Variants in MRTFA observed in about 807,000 individuals in gnomAD.
The protein encoded by MRTFA is myocardin related transcription factor A.
Under a neutral mutation model 83.5 loss-of-function variants are expected in MRTFA, and 20 were observed. The ratio of observed to expected loss-of-function variants is 0.24; its 90% CI spans 0.17 to 0.35. MRTFA has a LOEUF of 0.35. Ranked by LOEUF, MRTFA falls within the 10% of genes least tolerant of loss-of-function variation. The pLI is 1.00. For missense variants in MRTFA, 1,200 were observed against 1,224.7 expected, an observed-to-expected ratio of 0.98 and a Z score of 0.30; for synonymous variants, 659 against 541.2, an observed-to-expected ratio of 1.22 and a Z score of -3.02.
At chr22:40,438,606 T>G (rs1402489085) in intron 4 of MRTFA, among the ~76,000 whole-genome samples, 1 of 152,216 alleles carries the variant, frequency 6.6e-6, no homozygotes, top group Non-Finnish European at 1.5e-5. Flanking sequence ...GCAGTTTCGC[T>G]TTCCATGGTT....
In MRTFA at chr22:40,424,384, G is replaced by A; in HGVS notation, c.602-3C>T. 1.2e-6 allele frequency: 2 copies of A among 1,612,842 alleles called. No individual in the cohort carries two copies. Among genetic ancestry groups the A allele is most frequent in the Non-Finnish European group, 1.7e-6 (2 of 1,179,432 alleles). Reference sequence around the variant, plus strand: ...TTTGGGATAGTTCACCTGGCCCACTGAAACCCAAAGCTGGTGTGAGATTCC... The same window carrying A: ...TTTGGGATAGTTCACCTGGCCCACTAAAACCCAAAGCTGGTGTGAGATTCC... On this transcript the variant is annotated splice_polypyrimidine_tract_variant and splice_region_variant and intron_variant, in intron 7 of 14. Coordinates refer to ENST00000355630, the MANE Select transcript of MRTFA (RefSeq NM_020831.6).
At chr22:40,542,117 C>T (rs936433898) in intron 3 of MRTFA, among the ~76,000 whole-genome samples, 2 of 152,154 alleles carry the variant, frequency 1.3e-5, no homozygotes, top group African/African-American at 4.8e-5. Context: ...CATTTCACAT[C>T]ACTTCCTCCC....
At chr22:40,554,840 G>A (rs781502731) in intron 2 of MRTFA, among the ~76,000 whole-genome samples, 5 of 152,200 alleles carry the variant, frequency 3.3e-5, no homozygotes, top group Non-Finnish European at 5.9e-5. Flanking sequence ...CAACCTCAGC[G>A]TGGAAAAGCC....
At chr22:40,618,248 G>GTAT (rs1569355040) in intron 1 of MRTFA, among the ~76,000 whole-genome samples, 1 of 129,066 alleles carries the variant, frequency 7.7e-6, no homozygotes, top group Non-Finnish European at 1.7e-5. Context: ...CTAATTTTTT[G>GTAT]TATTTTTTTT....
At chr22:40,556,025 A>C (rs913444783) in intron 2 of MRTFA, among the ~76,000 whole-genome samples, 1 of 152,206 alleles carries the variant, frequency 6.6e-6, no homozygotes, top group Non-Finnish European at 1.5e-5. Context: ...ATAAAACTAC[A>C]TACTCATATA....
At chr22:40,597,371 C>T (rs979315070) in intron 1 of MRTFA, among the ~76,000 whole-genome samples, 2 of 152,238 alleles carry the variant, frequency 1.3e-5, no homozygotes, top group Admixed American at 1.3e-4. Context: ...AAACCACCAA[C>T]TAGTTTTTGC....
chr22:40,573,410 A>G (rs2055825444), intron 2 of MRTFA, among the ~76,000 whole-genome samples: 1 of 152,026 alleles, frequency 6.6e-6, no homozygotes, highest in Non-Finnish European at 1.5e-5. Context: ...ATATGCCACC[A>G]CACCTGGCTA....
Position 40,416,305 on chromosome 22 carries a change from T to C in MRTFA, c.2578+681A>G, listed in dbSNP as rs2052677436. On this transcript the variant is annotated intron_variant, in intron 14 of 14. Coordinates refer to ENST00000355630, the MANE Select transcript of MRTFA (RefSeq NM_020831.6). This position sits in a 1 kb window ranked among gnomAD's most constrained non-coding sequence, Gnocchi z 4.2. Reference sequence around the variant, plus strand: ...TCCTCTGCCCGCCACTGCTGCCTGCTGGGCCAAAGCCCAGCTCTCCAGTCG... The same window carrying C: ...TCCTCTGCCCGCCACTGCTGCCTGCCGGGCCAAAGCCCAGCTCTCCAGTCG... Among the ~76,000 whole-genome samples the C allele has an allele frequency of 6.6e-6, 1 of 152,246 alleles. No homozygotes were observed. The highest frequency in any genetic ancestry group is 1.5e-5 in the Non-Finnish European group (1 of 68,042).
At chr22:40,481,884 C>T (rs1364147770) in intron 3 of MRTFA, among the ~76,000 whole-genome samples, 1 of 152,006 alleles carries the variant, frequency 6.6e-6, no homozygotes, top group East Asian at 1.9e-4. Flanking sequence ...CACGGTGAAA[C>T]CCCGTCTCTA....
At chr22:40,507,319 C>G (rs996134381) in intron 3 of MRTFA, among the ~76,000 whole-genome samples, 3 of 152,012 alleles carry the variant, frequency 2.0e-5, no homozygotes, top group Non-Finnish European at 4.4e-5. Flanking sequence ...AGTGATTGCA[C>G]CACTGCACTC....
At chr22:40,454,125 T>C (rs1738948586) in intron 4 of MRTFA, among the ~76,000 whole-genome samples, 1 of 152,170 alleles carries the variant, frequency 6.6e-6, no homozygotes, top group Non-Finnish European at 1.5e-5. Flanking sequence ...TGGAAAACAG[T>C]TCCTATTCCT....
rs1186015198 is a variant in MRTFA at position 40,559,450 on chromosome 22, T to G, written c.-21-7083A>C. The stretch of plus-strand genomic sequence containing the variant: ...TTTTTTCTTTTTTCAGACAGCATGT[T>G]ACTCTGCCATCCAAGCTAGAGTGCA... On this transcript the variant is annotated intron_variant, in intron 2 of 14. Transcript: ENST00000355630. 2.6e-5 allele frequency among the ~76,000 whole-genome samples: 4 copies of G among 152,186 alleles called. No homozygotes were observed. The East Asian group carries it at 7.7e-4, about 29-fold the overall frequency.
At chr22:40,587,356 T>C in intron 2 of MRTFA, 1 of 412,736 alleles carries the variant, frequency 2.4e-6, no homozygotes, top group Non-Finnish European at 4.8e-6. Context: ...TTCGGAAGGC[T>C]TTGACAATAC....
chr22:40,609,088 C>T (rs1383417102), intron 1 of MRTFA, among the ~76,000 whole-genome samples: 1 of 151,852 alleles, frequency 6.6e-6, no homozygotes, highest in South Asian at 2.1e-4. Context: ...GTCAGGAGAT[C>T]GAGACCATCC....
rs1053188960 is a variant in MRTFA, at chr22:40,566,807, T to G, written c.-21-14440A>C. On this transcript the variant is annotated intron_variant, in intron 2 of 14. Coordinates refer to ENST00000355630, the MANE Select transcript of MRTFA (RefSeq NM_020831.6). ...GACATCACACCACTGCACCCTCGCT[T>G]GGGCAACAGAGCAAGACTCCGTCTC... Among the ~76,000 whole-genome samples, 5 of 152,272 alleles carry G rather than the reference T, an allele frequency of 3.3e-5. No homozygotes were observed. In the East Asian group the frequency reaches 9.7e-4, roughly 30 times the overall value.
At position 40,421,114 on chromosome 22, in the gene MRTFA, A is replaced by G; in HGVS notation, c.928-14T>C. The G allele has an allele frequency of 6.6e-7, 1 of 1,512,082 alleles. No homozygotes were observed. Among genetic ancestry groups the G allele is most frequent in the South Asian group, 1.3e-5 (1 of 74,892 alleles). 93.7% of individuals were successfully genotyped at this position (1,512,082 alleles called of 1,614,324 possible). A position where few individuals can be genotyped will look rare whatever the true frequency, so the allele number is the denominator to read the frequency against. On this transcript the variant is annotated splice_polypyrimidine_tract_variant and intron_variant, in intron 9 of 14. Coordinates refer to ENST00000355630, the MANE Select transcript of MRTFA (RefSeq NM_020831.6). ...GGGTTGGCTTTGCTGAGGGCACAGG[A>G]GACAGGGTGCCATTCAGGGGCAGCC...
intron 4 of MRTFA, among the ~76,000 whole-genome samples, chr22:40,460,113 C>G (rs1008740613): frequency 4.6e-5 from 7 of 151,720 alleles, no homozygotes; most frequent in African/African-American, 1.7e-4. Flanking sequence ...TTAGTAGAGA[C>G]GGGGTTTCAC....
At chr22:40,624,632 C>T (rs1010210687) in intron 1 of MRTFA, among the ~76,000 whole-genome samples, 17 of 151,944 alleles carry the variant, frequency 1.1e-4, no homozygotes, top group African/African-American at 4.1e-4. Context: ...CTCTAGAAAG[C>T]GTTTTCTAAG....
intron 1 of MRTFA, among the ~76,000 whole-genome samples, chr22:40,633,836 C>G (rs2056666027): frequency 6.6e-6 from 1 of 151,928 alleles, no homozygotes; most frequent in South Asian, 2.1e-4. Context: ...ATGGGTAGAA[C>G]TTTCTAACCT....
Sources: allele counts gnomAD v4.1 joint callset (sites outside exome capture counted in the v4.1 genomes callset), GRCh38; gene constraint gnomAD v4.1.1; non-coding constraint Gnocchi (gnomAD v3.1); transcripts MANE v1.5; gene names NCBI Gene and HGNC (gene_info 2026-07-23, HGNC 2026-07-21).